Variants in DIS3L2 observed in about 807,000 individuals in gnomAD.
The protein encoded by DIS3L2 is DIS3-like exonuclease 2.
Under a neutral mutation model 97.5 loss-of-function variants are expected in DIS3L2, and 34 were observed. That is an observed-to-expected ratio of 0.35 (90% CI 0.27 to 0.46). The LOEUF (loss-of-function observed/expected upper bound fraction) is 0.46. Among genes scored for constraint, DIS3L2 ranks in the 20% least tolerant of loss-of-function variants. DIS3L2 has a pLI of 1.00. For synonymous variants in DIS3L2, 435 were observed against 445.2 expected (o/e 0.98, Z 0.29); for missense variants, 1,038 against 1,146.0 (o/e 0.91, Z 1.36).
intron 13 of DIS3L2, among the ~76,000 whole-genome samples, chr2:232,264,110 G>A (rs1256979577): frequency 6.6e-6 from 1 of 152,130 alleles, no homozygotes; most frequent in Non-Finnish European, 1.5e-5. Context: ...TTCTCATAAG[G>A]AACATGTAGC....
chr2:232,302,526 G>A (rs1365965420), intron 14 of DIS3L2, among the ~76,000 whole-genome samples: 1 of 151,074 alleles, frequency 6.6e-6, no homozygotes. Flanking sequence ...ACCTCTCTGA[G>A]CCTCTAGTTT....
intron 10 of DIS3L2, among the ~76,000 whole-genome samples, chr2:232,215,327 A>G (rs1692303555): frequency 1.3e-5 from 2 of 152,114 alleles, no homozygotes; most frequent in South Asian, 2.1e-4. Flanking sequence ...CACATTTCCC[A>G]TCCCCACAGA....
chr2:232,299,299 G>A (rs939417299), intron 13 of DIS3L2, among the ~76,000 whole-genome samples: 11 of 152,204 alleles, frequency 7.2e-5, no homozygotes, highest in African/African-American at 2.7e-4. Flanking sequence ...CTGCACTGTA[G>A]CCAGAGGGGT....
chr2:232,280,807 C>T (rs1396026631), intron 13 of DIS3L2, among the ~76,000 whole-genome samples: 1 of 152,176 alleles, frequency 6.6e-6, no homozygotes, highest in African/African-American at 2.4e-5. Context: ...ACTGTATCAC[C>T]GCAAGAGAGA....
intron 9 of DIS3L2, among the ~76,000 whole-genome samples, chr2:232,190,042 A>T (rs552492810): frequency 1.4e-4 from 21 of 152,328 alleles, no homozygotes; most frequent in African/African-American, 4.8e-4. Context: ...ATTTTTAAAA[A>T]GGGGCTGAGC....
At chr2:232,111,737 G>A (rs1436662315) in intron 6 of DIS3L2, among the ~76,000 whole-genome samples, 1 of 152,166 alleles carries the variant, frequency 6.6e-6, no homozygotes, top group African/African-American at 2.4e-5. Context: ...ATAAGCCCAT[G>A]ACCTAAGCAG....
At chr2:232,135,083 A>G (rs1041763360) in intron 7 of DIS3L2, among the ~76,000 whole-genome samples, 1 of 152,134 alleles carries the variant, frequency 6.6e-6, no homozygotes, top group African/African-American at 2.4e-5. Context: ...GTTCCAGATG[A>G]TGCTGAGGTG....
chr2:232,340,263 G>A (rs1365816934), downstream of DIS3L2, among the ~76,000 whole-genome samples: 1 of 152,166 alleles, frequency 6.6e-6, no homozygotes, highest in Admixed American at 6.5e-5. Context: ...CCTGAGAAAG[G>A]CGACTCCAAA....
chr2:232,267,168 A>C (rs541475931), intron 13 of DIS3L2, among the ~76,000 whole-genome samples: 1 of 152,338 alleles, frequency 6.6e-6, no homozygotes, highest in African/African-American at 2.4e-5. Context: ...GTCTGGCCCC[A>C]GTTCCATGAA....
intron 9 of DIS3L2, among the ~76,000 whole-genome samples, chr2:232,174,672 G>T (rs939427390): frequency 1.3e-5 from 2 of 150,684 alleles, no homozygotes; most frequent in East Asian, 3.9e-4. Context: ...CATGTCATCT[G>T]CAAATAGGGA....
Position 232,336,660 on chromosome 2 carries a change from C to T in DIS3L2, c.*30C>T, listed in dbSNP as rs763338971. 2.6e-5 allele frequency: 40 copies of T among 1,548,686 alleles called. No homozygotes were observed. In the South Asian group the frequency reaches 3.9e-4, roughly 15 times the overall value. On this transcript the variant is annotated 3_prime_UTR_variant, in exon 21 of 21. Coordinates refer to ENST00000325385, the MANE Select transcript of DIS3L2 (RefSeq NM_152383.5). ...CACCAGCCGCCTGCCCCGCCTGCCC[C>T]GCCTGCCTGTCCCGCCACACTGGCT...
intron 5 of DIS3L2, among the ~76,000 whole-genome samples, chr2:232,078,011 T>G (rs1015218357): frequency 7.2e-5 from 8 of 110,690 alleles, no homozygotes; most frequent in Non-Finnish European, 1.5e-4. Flanking sequence ...CTTTCTTTCT[T>G]TCTTTCTTTT....
chr2:232,029,846 C>A, intron 4 of DIS3L2, 133 bp from the exon 5 acceptor site: 1 of 634,356 alleles, frequency 1.6e-6, no homozygotes, highest in Non-Finnish European at 2.7e-6. Flanking sequence ...TATCAGCATG[C>A]TTTATTTAAT....
At chr2:232,182,347 G>A (rs1332657221) in intron 9 of DIS3L2, among the ~76,000 whole-genome samples, 1 of 152,172 alleles carries the variant, frequency 6.6e-6, no homozygotes, top group Non-Finnish European at 1.5e-5. Context: ...GTTATATGGT[G>A]TGGAGAATGT....
In DIS3L2 at chr2:232,088,753, G is replaced by A. The variant is rs80246011; in HGVS notation, c.601+1032G>A. 7.9e-3 allele frequency among the ~76,000 whole-genome samples: 1,195 copies of A among 152,184 alleles called. 15 individuals are homozygous for A. The highest frequency in any genetic ancestry group is 0.026 in the African/African-American group (1,099 of 41,504). ...GCAGTTGTAAACACATGAGAGCTGT[G>A]ACCACGGACCCTACCTGACCACACT... On this transcript the variant is annotated intron_variant, in intron 6 of 20. Coordinates refer to ENST00000325385, the MANE Select transcript of DIS3L2 (RefSeq NM_152383.5).
chr2:232,040,135 T>C (rs992015990), intron 5 of DIS3L2, among the ~76,000 whole-genome samples: 11 of 152,188 alleles, frequency 7.2e-5, no homozygotes, highest in Non-Finnish European at 1.5e-4. Context: ...TTCATAGAGG[T>C]TACATTAGAG....
intron 9 of DIS3L2, among the ~76,000 whole-genome samples, chr2:232,166,841 T>C (rs1008530491): frequency 3.9e-5 from 6 of 151,930 alleles, no homozygotes; most frequent in Admixed American, 3.9e-4. Context: ...GCCAACATGG[T>C]GAAACCTCAT....
chr2:232,332,262 AC>A (rs1220047900), intron 16 of DIS3L2, among the ~76,000 whole-genome samples: 9 of 151,598 alleles, frequency 5.9e-5, no homozygotes, highest in Admixed American at 1.3e-4. Flanking sequence ...TCCCCCAGAG[AC>A]TTGCCCCCGA....
intron 9 of DIS3L2, among the ~76,000 whole-genome samples, chr2:232,171,453 A>T (rs900840375): frequency 6.6e-6 from 1 of 152,190 alleles, no homozygotes; most frequent in Non-Finnish European, 1.5e-5. Context: ...TGGATTTGAA[A>T]GAAAATGGTA....
Sources: allele counts gnomAD v4.1 joint callset (sites outside exome capture counted in the v4.1 genomes callset), GRCh38; gene constraint gnomAD v4.1.1; transcripts MANE v1.5; gene names NCBI Gene and HGNC (gene_info 2026-07-23, HGNC 2026-07-21).